Variants in PDE4D observed in about 807,000 individuals in gnomAD.
The protein encoded by PDE4D is 3',5'-cyclic-AMP phosphodiesterase 4D.
A neutral mutation model predicts 87.4 loss-of-function variants in PDE4D; 24 were observed. The ratio of observed to expected loss-of-function variants is 0.27; its 90% CI spans 0.20 to 0.39. The LOEUF is 0.39. Among genes scored for constraint, PDE4D ranks in the 10% least tolerant of loss-of-function variants. The pLI, the probability that PDE4D is intolerant of heterozygous loss-of-function variation, is 1.00. For synonymous variants in PDE4D, 384 were observed against 383.2 expected, an observed-to-expected ratio of 1.00 and a Z score of -0.02; for missense variants, 714 against 1,041.0, an observed-to-expected ratio of 0.69 and a Z score of 4.32.
At chr5:59,123,178 ACGAGAATTCT>A (rs1774849181) in intron 5 of PDE4D, among the ~76,000 whole-genome samples, 1 of 152,118 alleles carries the variant, frequency 6.6e-6, no homozygotes, top group Non-Finnish European at 1.5e-5. Context: ...AGATCAATCA[ACGAGAATTCT>A]CGGGTCTATG....
chr5:59,600,415 G>C (rs1466194573), intron 1 of PDE4D, among the ~76,000 whole-genome samples: 1 of 152,218 alleles, frequency 6.6e-6, no homozygotes, highest in Non-Finnish European at 1.5e-5. Flanking sequence ...AAAGGACAAA[G>C]TGCTAAGATG....
Position 59,205,821 on chromosome 5 carries a change from C to T in PDE4D, c.647+9956G>A, listed in dbSNP as rs147515336. Among the ~76,000 whole-genome samples the T allele has an allele frequency of 7.9e-5, 12 of 152,214 alleles. No homozygotes were observed. In the East Asian group the frequency reaches 1.9e-3, roughly 25 times the overall value. On this transcript the variant is annotated intron_variant, in intron 2 of 14. Coordinates refer to ENST00000340635, the MANE Select transcript of PDE4D (RefSeq NM_001104631.2). Reference sequence around the variant, plus strand: ...TATGAGATCTGCATGTAGCTTTGTTCTCCCTTGGGAGTGAAACAATGAGTT... The same window carrying T: ...TATGAGATCTGCATGTAGCTTTGTTTTCCCTTGGGAGTGAAACAATGAGTT...
chr5:59,158,493 T>A (rs1423641290), intron 5 of PDE4D, among the ~76,000 whole-genome samples: 1 of 152,198 alleles, frequency 6.6e-6, no homozygotes, highest in African/African-American at 2.4e-5. Flanking sequence ...TTTTAACTCT[T>A]TGTTGAAAAC....
At chr5:59,617,842 A>G (rs1442066290) in intron 1 of PDE4D, among the ~76,000 whole-genome samples, 1 of 152,126 alleles carries the variant, frequency 6.6e-6, no homozygotes, top group Non-Finnish European at 1.5e-5. Context: ...AAACTCATAC[A>G]CCACTCATTC....
chr5:59,235,172 G>A (rs947243142), intron 1 of PDE4D, among the ~76,000 whole-genome samples: 1 of 152,090 alleles, frequency 6.6e-6, no homozygotes, highest in African/African-American at 2.4e-5. Context: ...AAAGTATGTG[G>A]CCCTTCAGAC....
chr5:59,005,486 T>C (rs1463100970), intron 6 of PDE4D, among the ~76,000 whole-genome samples: 1 of 152,198 alleles, frequency 6.6e-6, no homozygotes, highest in African/African-American at 2.4e-5. Context: ...CTAATCTCCA[T>C]TTCTAGGAGA....
rs183215949 is a variant in PDE4D at position 60,399,837 on chromosome 5, T to G, written c.-90+88105A>C. Among the ~76,000 whole-genome samples, 8 of 152,378 alleles carry G rather than the reference T, an allele frequency of 5.3e-5. No homozygotes were observed. The East Asian group carries it at 1.5e-3, about 29-fold the overall frequency. ...GGCTTCCCTTTTTCCCCACCCATAT[T>G]CTAAGTCTGGTTCCTACAACTTTAC... On this transcript the variant is annotated intron_variant, in intron 1 of 16. Transcript: ENST00000502484.
intron 5 of PDE4D, among the ~76,000 whole-genome samples, chr5:59,044,666 G>T (rs1760317732): frequency 6.6e-6 from 1 of 152,172 alleles, no homozygotes; most frequent in Non-Finnish European, 1.5e-5. Flanking sequence ...CATGTAATAG[G>T]TTTAAGCAGA....
intron 1 of PDE4D, among the ~76,000 whole-genome samples, chr5:60,440,368 C>G (rs1745108431): frequency 6.6e-6 from 1 of 152,060 alleles, no homozygotes; most frequent in African/African-American, 2.4e-5. Context: ...ACCCTGTTTT[C>G]AAGGAGTTTA....
At chr5:60,513,841 T>C (rs549023465) in intron 1 of PDE4D, among the ~76,000 whole-genome samples, 29 of 151,840 alleles carry the variant, frequency 1.9e-4, no homozygotes, top group South Asian at 6.2e-4. Flanking sequence ...TTGAGGGAGA[T>C]GTATAGTCTT....
chr5:60,085,223 G>C (rs1437931113), intron 2 of PDE4D, among the ~76,000 whole-genome samples: 3 of 152,132 alleles, frequency 2.0e-5, no homozygotes, highest in Non-Finnish European at 4.4e-5. Context: ...AAGAGTTCGG[G>C]AATAGCAGAT....
chr5:60,365,649 C>A (rs916571391), intron 1 of PDE4D, among the ~76,000 whole-genome samples: 1 of 151,950 alleles, frequency 6.6e-6, no homozygotes, highest in South Asian at 2.1e-4. Context: ...AGCAGGCACT[C>A]TTGTACCAAG....
chr5:59,450,220 G>T (rs766632610), intron 1 of PDE4D, among the ~76,000 whole-genome samples: 1 of 152,202 alleles, frequency 6.6e-6, no homozygotes, highest in African/African-American at 2.4e-5. Context: ...ATTACACTTA[G>T]CGTGAAAGCA....
chr5:59,893,398 C>T lies in PDE4D; in HGVS notation c.225G>A (p.Pro75=), dbSNP rs957259316. 2 of 1,298,912 alleles carry T rather than the reference C, an allele frequency of 1.5e-6. No individual in the cohort carries two copies. The highest frequency in any genetic ancestry group is 1.5e-5 in the African/African-American group (1 of 64,592). 80.5% of individuals were successfully genotyped at this position (1,298,912 alleles called of 1,614,324 possible). A position where few individuals can be genotyped will look rare whatever the true frequency, so the allele number is the denominator to read the frequency against. Residue 75 remains proline (P), a synonymous_variant, in exon 1 of 15, where the codon CCG becomes CCA. Transcript: ENST00000340635. ...GCGGCGGCAGGGGGGGCGGCGGCGG[C>T]GGCTGTAGCGGACACTGGGGCTGGG... The part of the protein sequence containing the change: ...PQPQPQCPLQ[P]PPPPPLPPPP...
At chr5:59,810,864 A>G (rs1768277117) in intron 1 of PDE4D, among the ~76,000 whole-genome samples, 1 of 152,228 alleles carries the variant, frequency 6.6e-6, no homozygotes, top group African/African-American at 2.4e-5. Flanking sequence ...AAAAATCAAA[A>G]TAATTTGTAT....
At chr5:59,143,597 C>T (rs1778214196) in intron 5 of PDE4D, among the ~76,000 whole-genome samples, 1 of 152,150 alleles carries the variant, frequency 6.6e-6, no homozygotes, top group Admixed American at 6.5e-5. Context: ...GTGCATGGGA[C>T]ATAGTAAGTA....
chr5:59,738,069 A>G (rs1225799831), intron 1 of PDE4D, among the ~76,000 whole-genome samples: 1 of 152,158 alleles, frequency 6.6e-6, no homozygotes, highest in Non-Finnish European at 1.5e-5. Flanking sequence ...TGAGCAAGAG[A>G]TACTGTTTCT....
chr5:60,130,183 T>G (rs1046737384), intron 2 of PDE4D, among the ~76,000 whole-genome samples: 2 of 152,194 alleles, frequency 1.3e-5, no homozygotes, highest in East Asian at 3.9e-4. Flanking sequence ...TTCTGATACT[T>G]ATAACTACCT....
At chr5:58,990,495 C>T (rs1747656475) in intron 9 of PDE4D, among the ~76,000 whole-genome samples, 1 of 152,054 alleles carries the variant, frequency 6.6e-6, no homozygotes, top group Admixed American at 6.6e-5. Context: ...ACTCCATTCT[C>T]TATGCAGTCA....
Sources: allele counts gnomAD v4.1 joint callset (sites outside exome capture counted in the v4.1 genomes callset), GRCh38; gene constraint gnomAD v4.1.1; transcripts MANE v1.5; gene names NCBI Gene and HGNC (gene_info 2026-07-23, HGNC 2026-07-21).